The following CNKSR3 variants were observed in gnomAD, a reference collection of about 807,000 sequenced individuals.
CNKSR3 encodes the protein connector enhancer of kinase suppressor of ras 3.
CNKSR3 carries 36 observed loss-of-function variants against 67.7 expected under a neutral mutation model. The observed-to-expected ratio is 0.53, with a 90% CI of 0.41 to 0.70. The LOEUF is 0.70. Ranked by LOEUF, CNKSR3 falls within the 30% of genes least tolerant of loss-of-function variation. The probability of loss-of-function intolerance (pLI) is 0.00; values close to 1 mark genes in which losing one functional copy is unlikely to be tolerated. For synonymous variants in CNKSR3, 281 were observed against 271.4 expected, an observed-to-expected ratio of 1.04 and a Z score of -0.35; for missense variants, 630 against 695.2, an observed-to-expected ratio of 0.91 and a Z score of 1.05.
chr6:154,457,055 C>T (rs980564118), intron 1 of CNKSR3, among the ~76,000 whole-genome samples: 1 of 152,138 alleles, frequency 6.6e-6, no homozygotes, highest in African/African-American at 2.4e-5. Flanking sequence ...CATCAAAGCT[C>T]CTTAGCCTTC....
At chr6:154,502,225 CTT>C (rs1288413520) in intron 1 of CNKSR3, among the ~76,000 whole-genome samples, 1 of 148,528 alleles carries the variant, frequency 6.7e-6, no homozygotes, top group Admixed American at 6.8e-5. Context: ...GAGTTTTGCT[CTT>C]GTCGCCCAGG....
chr6:154,443,756 G>C lies in CNKSR3; in HGVS notation c.217-1466C>G, dbSNP rs374227527. ...TGTTTGTACTCCAAGCTACTCAAGAGGCTGAGGTAGGAGGATCGCTTGAGC... is the reference window on the plus strand; with the variant it reads ...TGTTTGTACTCCAAGCTACTCAAGACGCTGAGGTAGGAGGATCGCTTGAGC... On this transcript the variant is annotated intron_variant, in intron 2 of 12. Transcript: ENST00000607772. Among the ~76,000 whole-genome samples the C allele has an allele frequency of 3.1e-4, 47 of 152,316 alleles. No homozygotes were observed. In the East Asian group the frequency reaches 6.2e-3, roughly 20 times the overall value.
intron 9 of CNKSR3, among the ~76,000 whole-genome samples, chr6:154,416,563 A>G (rs1249911082): frequency 6.6e-6 from 1 of 152,204 alleles, no homozygotes; most frequent in Admixed American, 6.5e-5. Context: ...AATTACTTCT[A>G]TATCAGTAAC....
At position 154,393,603 on chromosome 6, in the gene CNKSR3, T is replaced by C. The variant is rs1784630317; in HGVS notation, c.*12751A>G. The C allele has an allele frequency of 2.0e-5, 3 of 152,254 alleles. No individual in the cohort carries two copies. The highest frequency in any genetic ancestry group is 6.5e-5 in the Admixed American group (1 of 15,282). 9.4% of individuals were successfully genotyped at this position (152,254 alleles called of 1,614,324 possible). On this transcript the variant is annotated 3_prime_UTR_variant, in exon 13 of 13. Transcript: ENST00000607772. ...TTTTAATCTTCTCCCAATTTGTAAC[T>C]TTTTAAAAATTTTCTTTAAGGTGTC... is the stretch of plus-strand genomic sequence containing the variant.
In CNKSR3 at chr6:154,430,611, T is replaced by C. The variant is rs1785346100; in HGVS notation, c.550-20A>G. On this transcript the variant is annotated intron_variant, in intron 5 of 12. Coordinates refer to ENST00000607772, the MANE Select transcript of CNKSR3 (RefSeq NM_173515.4). ...CTTGACCTAGAATTGGAGAAGCAAA[T>C]AGTCAGGAAAGTTCAATCATTAACC... is the stretch of plus-strand genomic sequence containing the variant. 3 of 1,594,880 alleles carry C rather than the reference T, an allele frequency of 1.9e-6. No homozygotes were observed. The highest frequency in any genetic ancestry group is 3.6e-5 in the Admixed American group (2 of 55,036).
intron 7 of CNKSR3, among the ~76,000 whole-genome samples, chr6:154,427,451 A>G (rs905063502): frequency 6.6e-6 from 1 of 152,212 alleles, no homozygotes; most frequent in Non-Finnish European, 1.5e-5. Flanking sequence ...GTTTCATATC[A>G]ATGTCTTTCA....
chr6:154,450,407 GCACTTTTGCATGACATGTCAAA>G, intron 1 of CNKSR3, 149 bp from the exon 2 acceptor site: 1 of 724,446 alleles, frequency 1.4e-6, no homozygotes, highest in Non-Finnish European at 2.2e-6. Context: ...CACCTGATGG[GCACTTTTGCATGACATGTCAAA>G]CAGGTTTTCA....
At chr6:154,445,605 C>G (rs568648089) in intron 2 of CNKSR3, among the ~76,000 whole-genome samples, 2 of 152,296 alleles carry the variant, frequency 1.3e-5, no homozygotes, top group African/African-American at 4.8e-5. Context: ...ATATACATAA[C>G]GTTTACTTAT....
chr6:154,418,669 CA>C (rs1292087184), intron 9 of CNKSR3, among the ~76,000 whole-genome samples: 1 of 151,938 alleles, frequency 6.6e-6, no homozygotes, highest in East Asian at 1.9e-4. Context: ...CTGAGAAATC[CA>C]AAAAAATCTA....
At chr6:154,444,656 A>C (rs1476999564) in intron 2 of CNKSR3, among the ~76,000 whole-genome samples, 1 of 143,174 alleles carries the variant, frequency 7.0e-6, no homozygotes, top group South Asian at 2.2e-4. Context: ...ACCAGGCTGG[A>C]GTGCAGTGGT....
At chr6:154,509,948 G>T in intron 1 of CNKSR3, 115 bp downstream of exon 1, 2 of 1,116,532 alleles carry the variant, frequency 1.8e-6, no homozygotes, top group Admixed American at 3.4e-5. Context: ...TTGTCACCGG[G>T]CTGTGCCCTC....
chr6:154,433,633 C>A (rs1785413805), intron 4 of CNKSR3, 126 bp from the exon 5 acceptor site: 2 of 683,616 alleles, frequency 2.9e-6, no homozygotes. Context: ...TCAGCCTGCA[C>A]AGTCCTGCAG....
rs977989019 is a variant in CNKSR3 at position 154,442,110 on chromosome 6, C to G, written c.397G>C (p.Ala133Pro). ...SVVELIGAAKALLAWLDRAPF... is the reference protein window; with the variant it reads ...SVVELIGAAKPLLAWLDRAPF... ...TACCGGTCCAGCCACGCCAGCAGGG[C>G]CTTGGCGGCGCCGATGAGCTCCACC... Residue 133 changes from alanine (A) to proline (P), a missense_variant, in exon 3 of 13, where the codon GCC becomes CCC. Physicochemically the swap from Ala to Pro is conservative, Grantham distance 27. Around this residue, in one of 3 missense-constraint regions of CNKSR3, gnomAD observed 189 missense variants for 205.0 expected, o/e 0.92. Transcript: ENST00000607772. The G allele has an allele frequency of 6.2e-7, 1 of 1,609,854 alleles. No homozygotes were observed. The highest frequency in any genetic ancestry group is 1.3e-5 in the African/African-American group (1 of 74,850).
At chr6:154,475,878 A>AG (rs1786435467) in intron 1 of CNKSR3, among the ~76,000 whole-genome samples, 1 of 152,080 alleles carries the variant, frequency 6.6e-6, no homozygotes, top group African/African-American at 2.4e-5. Flanking sequence ...GATGATAAAA[A>AG]AACCTTAAGT....
intron 9 of CNKSR3, among the ~76,000 whole-genome samples, chr6:154,418,198 G>A (rs904257593): frequency 6.6e-6 from 1 of 152,132 alleles, no homozygotes; most frequent in Non-Finnish European, 1.5e-5. Flanking sequence ...GAGCTGTGTG[G>A]CTCCACCAGG....
rs1784790639 is a variant in CNKSR3, at chr6:154,406,449, T to G, written c.1573A>C (p.Lys525Gln). Residue 525 changes from lysine (K) to glutamine (Q), a missense_variant, in exon 13 of 13, where the codon AAA (lysine) becomes CAA (glutamine). Transcript: ENST00000607772. ...ATIPFQEEGT[K>Q]KKSGSSATKS... ...GTAGCTGAGGAGCCAGATTTCTTTT[T>G]GGTCCCTTCCTCCTGGAATGGAATC... 3 of 1,614,078 alleles carry G rather than the reference T, an allele frequency of 1.9e-6. No individual in the cohort carries two copies. The highest frequency in any genetic ancestry group is 2.5e-6 in the Non-Finnish European group (3 of 1,180,048).
intron 2 of CNKSR3, among the ~76,000 whole-genome samples, chr6:154,445,484 C>T (rs1216931736): frequency 1.3e-5 from 2 of 152,182 alleles, no homozygotes; most frequent in South Asian, 2.1e-4. Flanking sequence ...GAAAGGTCCC[C>T]TCATTCGGTC....
At chr6:154,440,665 C>T (rs1301618239) in intron 4 of CNKSR3, among the ~76,000 whole-genome samples, 4 of 152,170 alleles carry the variant, frequency 2.6e-5, no homozygotes, top group African/African-American at 2.4e-5. Flanking sequence ...AGTGTGAGGA[C>T]CTTCATGGTT....
chr6:154,464,430 G>T lies in CNKSR3; in HGVS notation c.53-14172C>A, dbSNP rs534192348. Among the ~76,000 whole-genome samples the T allele has an allele frequency of 5.3e-5, 8 of 152,260 alleles. No individual in the cohort carries two copies. The South Asian group carries it at 1.5e-3, about 28-fold the overall frequency. ...AGCAGCACGTTAAAGAAAGACAAAG[G>T]CCTGGGCGGGGTGCAGTGACTCACA... On this transcript the variant is annotated intron_variant, in intron 1 of 12. Coordinates refer to ENST00000607772, the MANE Select transcript of CNKSR3 (RefSeq NM_173515.4).
Sources: allele counts gnomAD v4.1 joint callset (sites outside exome capture counted in the v4.1 genomes callset), GRCh38; gene constraint gnomAD v4.1.1; regional missense constraint gnomAD v4.1.1; transcripts MANE v1.5; gene names NCBI Gene and HGNC (gene_info 2026-07-23, HGNC 2026-07-21).